Variants in NRXN3 observed in about 807,000 individuals in gnomAD.
The protein encoded by NRXN3 is neurexin III.
A neutral mutation model predicts 137.6 loss-of-function variants in NRXN3; 32 were observed. The observed-to-expected ratio is 0.23, with a 90% CI of 0.18 to 0.31. The LOEUF (loss-of-function observed/expected upper bound fraction) is 0.31, where lower values mean the gene tolerates loss of function less well. Among genes scored for constraint, NRXN3 ranks in the 10% least tolerant of loss-of-function variants. NRXN3 has a pLI of 1.00. For missense variants in NRXN3, 1,574 were observed against 2,062.5 expected, an observed-to-expected ratio of 0.76 and a Z score of 4.59; for synonymous variants, 798 against 784.5, an observed-to-expected ratio of 1.02 and a Z score of -0.29.
chr14:79,383,542 C>A (rs2094527491), intron 15 of NRXN3, among the ~76,000 whole-genome samples: 1 of 152,080 alleles, frequency 6.6e-6, no homozygotes, highest in African/African-American at 2.4e-5. Flanking sequence ...AGTATCTTTT[C>A]TTTTCACTTG....
intron 2 of NRXN3, among the ~76,000 whole-genome samples, chr14:78,256,479 G>A (rs1458230500): frequency 2.0e-5 from 3 of 152,240 alleles, no homozygotes; most frequent in African/African-American, 7.2e-5. Context: ...GCATGTGCAT[G>A]CCTTCAATCC....
intron 4 of NRXN3, among the ~76,000 whole-genome samples, chr14:78,397,376 T>C (rs1023332866): frequency 1.3e-5 from 2 of 152,140 alleles, no homozygotes; most frequent in African/African-American, 4.8e-5. Context: ...GCTGTTTAGA[T>C]TGGGTAATGT....
chr14:78,244,255 C>T (rs918439403), intron 2 of NRXN3, among the ~76,000 whole-genome samples: 4 of 152,084 alleles, frequency 2.6e-5, no homozygotes, highest in Non-Finnish European at 1.5e-5. Flanking sequence ...CATGATGAAA[C>T]CCTGTCTCTA....
At chr14:78,322,504 G>A (rs17107342) in intron 4 of NRXN3, among the ~76,000 whole-genome samples, 7,746 of 151,920 alleles carry the variant, frequency 0.051, 516 homozygotes, top group African/African-American at 0.14. Flanking sequence ...GTTGCTTGCC[G>A]TGATATACCA....
chr14:78,199,213 G>A (rs1022552469), intron 1 of NRXN3, among the ~76,000 whole-genome samples: 2 of 152,188 alleles, frequency 1.3e-5, no homozygotes, highest in African/African-American at 4.8e-5. Flanking sequence ...AGAGCTGTTG[G>A]AGGTTGGATA....
intron 15 of NRXN3, among the ~76,000 whole-genome samples, chr14:79,197,094 T>G (rs552330804): frequency 6.6e-6 from 1 of 152,304 alleles, no homozygotes; most frequent in Admixed American, 6.5e-5. Context: ...GGCAAATTCT[T>G]TTCTGTTTCT....
At position 79,581,908 on chromosome 14, in the gene NRXN3, C is replaced by A. The variant is rs535390617; in HGVS notation, c.3445-81870C>A. Among the ~76,000 whole-genome samples, 11 of 152,256 alleles carry A rather than the reference C, an allele frequency of 7.2e-5. No individual in the cohort carries two copies. The East Asian group carries it at 1.5e-3, about 21-fold the overall frequency. On this transcript the variant is annotated intron_variant, in intron 16 of 20. Transcript: ENST00000335750. ...ATGGTCTCATCTGATCCCCAAAGCA[C>A]CCCTCTCAGGAAGTAATTTTTTTAT...
At position 78,518,271 on chromosome 14, in the gene NRXN3, G is replaced by A. The variant is rs116232487; in HGVS notation, c.758-126849G>A. On this transcript the variant is annotated intron_variant, in intron 4 of 20. Transcript: ENST00000335750. ...ATGAGGGCTGTGGTAAGTCAGAAAA[G>A]AGGCTGGGTTTTGGTTTCTTAGGAA... Among the ~76,000 whole-genome samples the A allele has an allele frequency of 3.1e-3, 469 of 152,230 alleles. 9 individuals are homozygous for A. The highest frequency in any genetic ancestry group is 0.011 in the African/African-American group (455 of 41,550).
chr14:78,761,398 T>A (rs2098692036), intron 8 of NRXN3, among the ~76,000 whole-genome samples: 1 of 152,190 alleles, frequency 6.6e-6, no homozygotes, highest in South Asian at 2.1e-4. Context: ...CCAGGGGAAT[T>A]GCCCATGAAA....
intron 20 of NRXN3, among the ~76,000 whole-genome samples, chr14:79,824,430 C>CT (rs1316072579): frequency 2.6e-5 from 4 of 152,232 alleles, no homozygotes; most frequent in South Asian, 2.1e-4. Context: ...CATCTTACGA[C>CT]TATAGTCCAC....
At chr14:78,454,791 G>A (rs1598876171) in intron 4 of NRXN3, among the ~76,000 whole-genome samples, 1 of 152,258 alleles carries the variant, frequency 6.6e-6, no homozygotes, top group Non-Finnish European at 1.5e-5. Flanking sequence ...TCTGGCAGAG[G>A]GAACAGGATA....
At chr14:79,315,814 T>C (rs1057410408) in intron 15 of NRXN3, among the ~76,000 whole-genome samples, 26 of 152,368 alleles carry the variant, frequency 1.7e-4, no homozygotes, top group African/African-American at 4.6e-4. Flanking sequence ...AAAGAAGTTA[T>C]ACTTTAGAAA....
intron 4 of NRXN3, among the ~76,000 whole-genome samples, chr14:78,584,804 C>T (rs2097044571): frequency 6.6e-6 from 1 of 152,168 alleles, no homozygotes; most frequent in Admixed American, 6.5e-5. Flanking sequence ...TCAAATCATC[C>T]ATCATTTGTG....
chr14:79,565,302 T>G (rs2153787399), intron 16 of NRXN3, among the ~76,000 whole-genome samples: 1 of 147,410 alleles, frequency 6.8e-6, no homozygotes, highest in Non-Finnish European at 1.5e-5. Context: ...CATGTGTATA[T>G]ACATATACAC....
intron 10 of NRXN3, among the ~76,000 whole-genome samples, chr14:78,814,162 G>A (rs1246700403): frequency 1.3e-5 from 2 of 152,114 alleles, no homozygotes; most frequent in African/African-American, 4.8e-5. Flanking sequence ...GTTGAATCAA[G>A]TTTGTTGCTG....
chr14:79,028,820 C>T (rs941218824), intron 15 of NRXN3, among the ~76,000 whole-genome samples: 3 of 152,056 alleles, frequency 2.0e-5, no homozygotes, highest in Admixed American at 1.3e-4. Flanking sequence ...CCATAGCCTC[C>T]GTGCTGCATA....
At chr14:79,656,534 G>T (rs1328780341) in intron 16 of NRXN3, among the ~76,000 whole-genome samples, 1 of 152,010 alleles carries the variant, frequency 6.6e-6, no homozygotes, top group Non-Finnish European at 1.5e-5. Flanking sequence ...ACTTGCATCG[G>T]CTGTCTTGTC....
intron 15 of NRXN3, among the ~76,000 whole-genome samples, chr14:79,123,145 CCCAAGCCTCTGGTTGACTCCTGTCCAT>C (rs2055747182): frequency 6.6e-6 from 1 of 152,078 alleles, no homozygotes; most frequent in Admixed American, 6.5e-5. Flanking sequence ...ATGGAAAAAG[CCCAAGCCTCTGGTTGACTCCTGTCCAT>C]CCAGATGGAG....
chr14:79,069,825 G>T (rs1223715636), intron 15 of NRXN3, among the ~76,000 whole-genome samples: 1 of 152,108 alleles, frequency 6.6e-6, no homozygotes, highest in Non-Finnish European at 1.5e-5. Flanking sequence ...AAAACATTCT[G>T]ATAATCATAA....
Sources: gnomAD v4.1 joint callset for allele counts (sites outside exome capture counted in the v4.1 genomes callset) on GRCh38, gnomAD v4.1.1 for gene constraint, MANE v1.5 for transcripts, NCBI Gene and HGNC (gene_info 2026-07-23, HGNC 2026-07-21) for gene names.